SLC25A13: variants seen among roughly 807,000 people sequenced by gnomAD.
SLC25A13 encodes electrogenic aspartate/glutamate antiporter SLC25A13, mitochondrial.
In SLC25A13, 70 loss-of-function variants were observed where a neutral mutation model predicts 85.5. The ratio of observed to expected loss-of-function variants is 0.82; its 90% CI spans 0.68 to 1.00. SLC25A13 has a LOEUF of 1.00. Among genes scored for constraint, SLC25A13 ranks in the 50% least tolerant of loss-of-function variants. The probability of loss-of-function intolerance (pLI) is 0.00; values close to 1 mark genes in which losing one functional copy is unlikely to be tolerated. For synonymous variants in SLC25A13, 259 were observed against 288.7 expected, an observed-to-expected ratio of 0.90 and a Z score of 1.04; for missense variants, 765 against 819.8, an observed-to-expected ratio of 0.93 and a Z score of 0.82.
intron 4 of SLC25A13, among the ~76,000 whole-genome samples, chr7:96,212,770 T>C (rs928381023): frequency 6.6e-6 from 1 of 152,182 alleles, no homozygotes; most frequent in Non-Finnish European, 1.5e-5. Context: ...CGGGGCATGA[T>C]GCTATGTTTA....
Position 96,170,042 on chromosome 7 carries a change from T to C in SLC25A13, c.1311+3A>G, listed in dbSNP as rs180844972. 215 of 1,613,968 alleles carry C rather than the reference T, an allele frequency of 1.3e-4. 1 individual carries two copies. The African/African-American group carries it at 2.3e-3, about 18-fold the overall frequency. On this transcript the variant is annotated splice_donor_region_variant and intron_variant, in intron 13 of 17. Coordinates refer to ENST00000265631, the MANE Select transcript of SLC25A13 (RefSeq NM_014251.3). ...AATGAAGAGAGCTTCAAAAGGTACTTACGCAGCCTCCAGCAAGAATTTCTG... is the reference window on the plus strand; with the variant it reads ...AATGAAGAGAGCTTCAAAAGGTACTCACGCAGCCTCCAGCAAGAATTTCTG...
rs761211929 is a variant in SLC25A13 at position 96,146,583 on chromosome 7, C to A, written c.1425G>T (p.Arg475=). 6.2e-7 allele frequency: 1 copy of A among 1,613,780 alleles called. No homozygotes were observed. The highest frequency in any genetic ancestry group is 1.3e-5 in the African/African-American group (1 of 74,818). ...GPRVSALSVV[R]DLGFFGIYKG... ...TGTAGATCCCAAAAAACCCCAGGTC[C>A]CGCACGACAGACAGAGCACTGACTC... is the stretch of plus-strand genomic sequence containing the variant. Residue 475 remains arginine, a synonymous_variant, in exon 14 of 18, where the codon CGG becomes CGT. Transcript: ENST00000265631.
intron 5 of SLC25A13, among the ~76,000 whole-genome samples, chr7:96,194,442 C>CAAAAAAAA (rs546248549): frequency 7.2e-5 from 2 of 27,692 alleles, no homozygotes; most frequent in Admixed American, 8.3e-4. Flanking sequence ...AACCTTGTCT[C>CAAAAAAAA]AAAAAAAAAA....
At chr7:96,214,552 C>T (rs1278903381) in intron 4 of SLC25A13, among the ~76,000 whole-genome samples, 3 of 152,050 alleles carry the variant, frequency 2.0e-5, no homozygotes, top group African/African-American at 4.8e-5. Context: ...CAGGGTGAAA[C>T]CCCATCTCTA....
At chr7:96,224,314 TC>T (rs1796251242) in intron 4 of SLC25A13, among the ~76,000 whole-genome samples, 1 of 152,210 alleles carries the variant, frequency 6.6e-6, no homozygotes, top group African/African-American at 2.4e-5. Flanking sequence ...CCTATCCCTG[TC>T]CTCCAAAGAC....
intron 5 of SLC25A13, among the ~76,000 whole-genome samples, chr7:96,203,880 G>T (rs1795358906): frequency 6.6e-6 from 1 of 152,190 alleles, no homozygotes; most frequent in East Asian, 1.9e-4. Flanking sequence ...GCATGACTGG[G>T]CACTGCCATT....
In SLC25A13 at chr7:96,265,277, A is replaced by G. The variant is rs373614493; in HGVS notation, c.212+11919T>C. ...AACTGGGAAAATACTGTTTCTCTATATTATGCAGATCATCCAAATGTTAGG... is the reference window on the plus strand; with the variant it reads ...AACTGGGAAAATACTGTTTCTCTATGTTATGCAGATCATCCAAATGTTAGG... On this transcript the variant is annotated intron_variant, in intron 3 of 17. Coordinates refer to ENST00000265631, the MANE Select transcript of SLC25A13 (RefSeq NM_014251.3). Among the ~76,000 whole-genome samples, 8 of 152,340 alleles carry G rather than the reference A, an allele frequency of 5.3e-5. No homozygotes were observed. The South Asian group carries it at 8.3e-4, about 16-fold the overall frequency.
intron 4 of SLC25A13, among the ~76,000 whole-genome samples, chr7:96,221,238 C>T (rs1167623795): frequency 6.6e-6 from 1 of 152,160 alleles, no homozygotes; most frequent in African/African-American, 2.4e-5. Flanking sequence ...ATACTCAGTA[C>T]CCAGGCATGC....
Position 96,171,505 on chromosome 7 carries a change from C to T in SLC25A13, c.1197G>A (p.Leu399=), listed in dbSNP as rs373876605. Residue 399 remains leucine, a synonymous_variant, in exon 12 of 18, where the codon TTG becomes TTA. Coordinates refer to ENST00000265631, the MANE Select transcript of SLC25A13 (RefSeq NM_014251.3). ...GLYRGLLPQL[L]GVAPEKAIKL... ...TTATGGCCTTCTCTGGGGCAACTCC[C>T]AATAACTGTGGCAACAGACCTAAAA... 3 of 1,613,232 alleles carry T rather than the reference C, an allele frequency of 1.9e-6. No homozygotes were observed. The African/African-American group carries it at 4.0e-5, about 22-fold the overall frequency.
At chr7:96,292,012 T>A (rs1799144039) in intron 2 of SLC25A13, among the ~76,000 whole-genome samples, 1 of 152,154 alleles carries the variant, frequency 6.6e-6, no homozygotes, top group South Asian at 2.1e-4. Context: ...CTGATGAACA[T>A]CGATGCAAAA....
rs1793585366 is a variant in SLC25A13, at chr7:96,163,224, T to C, written c.1311+6821A>G. Among the ~76,000 whole-genome samples, 4 of 152,318 alleles carry C rather than the reference T, an allele frequency of 2.6e-5. No homozygotes were observed. The South Asian group carries it at 8.3e-4, about 32-fold the overall frequency. On this transcript the variant is annotated intron_variant, in intron 13 of 17. Coordinates refer to ENST00000265631, the MANE Select transcript of SLC25A13 (RefSeq NM_014251.3). ...TTCAAGGTCAGGTCATAAGAAGTCT[T>C]GTTTCTGCCCAGGACTCTTAAGATG... is the stretch of plus-strand genomic sequence containing the variant.
chr7:96,271,542 C>T (rs983859408), intron 3 of SLC25A13, among the ~76,000 whole-genome samples: 1 of 152,124 alleles, frequency 6.6e-6, no homozygotes, highest in African/African-American at 2.4e-5. Flanking sequence ...CAGCTCAGAA[C>T]ACTGAAAAGG....
At chr7:96,228,245 T>TA (rs1450854709) in intron 4 of SLC25A13, among the ~76,000 whole-genome samples, 1 of 152,200 alleles carries the variant, frequency 6.6e-6, no homozygotes, top group Non-Finnish European at 1.5e-5. Flanking sequence ...ATTAGAAACT[T>TA]ATGTTCCTCA....
intron 14 of SLC25A13, among the ~76,000 whole-genome samples, chr7:96,146,219 T>C (rs1792782575): frequency 6.6e-6 from 1 of 152,164 alleles, no homozygotes; most frequent in Non-Finnish European, 1.5e-5. Context: ...TAAATTATGA[T>C]ACAGGTTTCT....
At chr7:96,247,971 AAAAG>A (rs1191180063) in intron 3 of SLC25A13, among the ~76,000 whole-genome samples, 2 of 151,968 alleles carry the variant, frequency 1.3e-5, no homozygotes, top group African/African-American at 2.4e-5. Flanking sequence ...AAAAAAAAAA[AAAAG>A]AAAGAGTAGC....
chr7:96,176,175 CAG>C, intron 11 of SLC25A13, among the ~76,000 whole-genome samples: 1 of 152,338 alleles, frequency 6.6e-6, no homozygotes, highest in African/African-American at 2.4e-5. Context: ...ATGCCTAAAG[CAG>C]AGAGTCTAGG....
At chr7:96,243,416 T>A (rs1797065946) in intron 3 of SLC25A13, among the ~76,000 whole-genome samples, 1 of 152,258 alleles carries the variant, frequency 6.6e-6, no homozygotes, top group South Asian at 2.1e-4. Flanking sequence ...GATGAGCACA[T>A]GCATACATAA....
chr7:96,199,936 C>G (rs982124160), intron 5 of SLC25A13, among the ~76,000 whole-genome samples: 1 of 151,920 alleles, frequency 6.6e-6, no homozygotes. Context: ...ATATTCTCTC[C>G]ATCTCTATTC....
intron 3 of SLC25A13, among the ~76,000 whole-genome samples, chr7:96,249,733 CTTTA>C (rs1289217823): frequency 6.6e-6 from 1 of 151,988 alleles, no homozygotes; most frequent in Non-Finnish European, 1.5e-5. Flanking sequence ...GTTGGGAGTA[CTTTA>C]TATTTTTGCA....
Sources: gnomAD v4.1 joint callset for allele counts (sites outside exome capture counted in the v4.1 genomes callset) on GRCh38, gnomAD v4.1.1 for gene constraint, MANE v1.5 for transcripts, NCBI Gene and HGNC (gene_info 2026-07-23, HGNC 2026-07-21) for gene names.